TENM4: variants seen among roughly 807,000 people sequenced by gnomAD.
TENM4 encodes the protein teneurin-4.
Under a neutral mutation model 243.3 loss-of-function variants are expected in TENM4, and 82 were observed. The ratio of observed to expected loss-of-function variants is 0.34; its 90% confidence interval spans 0.28 to 0.40. The LOEUF (loss-of-function observed/expected upper bound fraction) is 0.40. Ranked by LOEUF, TENM4 falls within the 10% of genes least tolerant of loss-of-function variation. The pLI, the probability that TENM4 is intolerant of heterozygous loss-of-function variation, is 1.00. For missense variants in TENM4, 3,138 were observed against 3,673.3 expected (o/e 0.85, Z 3.77); for synonymous variants, 1,412 against 1,456.3 (o/e 0.97, Z 0.69).
At chr11:79,223,720 C>T (rs1410355735) in intron 2 of TENM4, among the ~76,000 whole-genome samples, 2 of 152,174 alleles carry the variant, frequency 1.3e-5, no homozygotes, top group Non-Finnish European at 2.9e-5. Context: ...TTCCATGGCT[C>T]TTCCTTTGGC....
chr11:79,100,347 G>A (rs1436786767), intron 4 of TENM4, among the ~76,000 whole-genome samples: 1 of 151,920 alleles, frequency 6.6e-6, no homozygotes, highest in Non-Finnish European at 1.5e-5. Context: ...CCTCTTCCGT[G>A]CCCAGTGGAC....
In TENM4 at chr11:78,854,138, C is replaced by T; in HGVS notation, c.1647G>A (p.Glu549=). ...TGGTGAGAAAGGAAACCACTTCTGACTCCTTTCCGTCATTGTAAAAAGCCA... is the reference window on the plus strand; with the variant it reads ...TGGTGAGAAAGGAAACCACTTCTGATTCCTTTCCGTCATTGTAAAAAGCCA... ...WHLAFYNDGK[E]SEVVSFLTTA... Residue 549 remains glutamate, a synonymous_variant, in exon 12 of 34, where the codon GAG becomes GAA. Coordinates refer to ENST00000278550, the MANE Select transcript of TENM4 (RefSeq NM_001098816.3). The T allele has an allele frequency of 6.4e-7, 1 of 1,551,724 alleles. No homozygotes were observed. Among genetic ancestry groups the T allele is most frequent in the South Asian group, 1.2e-5 (1 of 84,030 alleles).
At chr11:79,172,884 G>A (rs145089989) in intron 3 of TENM4, among the ~76,000 whole-genome samples, 3 of 151,942 alleles carry the variant, frequency 2.0e-5, no homozygotes, top group African/African-American at 4.8e-5. Flanking sequence ...CAACTGATTC[G>A]CCTGCCTCGG....
At chr11:78,921,465 G>A (rs1180559857) in intron 6 of TENM4, among the ~76,000 whole-genome samples, 5 of 152,228 alleles carry the variant, frequency 3.3e-5, no homozygotes, top group African/African-American at 1.2e-4. Flanking sequence ...AAGCCTCCAT[G>A]AAGATACAGT....
intron 1 of TENM4, among the ~76,000 whole-genome samples, chr11:79,439,467 C>A (rs1008606187): frequency 6.6e-6 from 1 of 152,074 alleles, no homozygotes; most frequent in Non-Finnish European, 1.5e-5. Flanking sequence ...GAAAGCGGAG[C>A]CAATTTCCAA....
intron 4 of TENM4, among the ~76,000 whole-genome samples, chr11:79,075,079 A>C (rs1246501337): frequency 6.6e-6 from 1 of 152,216 alleles, no homozygotes; most frequent in East Asian, 1.9e-4. Context: ...GCTTTCAGCA[A>C]TCATCATCGT....
chr11:78,946,217 G>A (rs1856999444), intron 6 of TENM4, among the ~76,000 whole-genome samples: 1 of 152,228 alleles, frequency 6.6e-6, no homozygotes, highest in South Asian at 2.1e-4. Flanking sequence ...AATGCAGCTG[G>A]TGAGTTGAAG....
intron 12 of TENM4, among the ~76,000 whole-genome samples, chr11:78,815,814 C>T (rs1017221005): frequency 6.6e-6 from 1 of 152,188 alleles, no homozygotes; most frequent in African/African-American, 2.4e-5. Flanking sequence ...CAACAGGTGG[C>T]TGAGAGAAAT....
chr11:78,765,441 C>A (rs182786648), intron 18 of TENM4, among the ~76,000 whole-genome samples: 2 of 152,300 alleles, frequency 1.3e-5, no homozygotes, highest in East Asian at 3.9e-4. Flanking sequence ...AAGACAGAGA[C>A]CTTTGTTCTC....
intron 2 of TENM4, among the ~76,000 whole-genome samples, chr11:79,296,032 G>T (rs548098489): frequency 6.6e-6 from 1 of 151,780 alleles, no homozygotes; most frequent in Non-Finnish European, 1.5e-5. Flanking sequence ...CATCAACCAT[G>T]GTCATAATTC....
chr11:79,075,576 A>C (rs777282064), intron 4 of TENM4, among the ~76,000 whole-genome samples: 24 of 152,218 alleles, frequency 1.6e-4, no homozygotes, highest in Non-Finnish European at 1.5e-4. Context: ...CCTAGACCAA[A>C]TTAGGCAGGT....
At chr11:79,381,689 G>A (rs1237678431) in intron 1 of TENM4, among the ~76,000 whole-genome samples, 1 of 151,428 alleles carries the variant, frequency 6.6e-6, no homozygotes, top group Non-Finnish European at 1.5e-5. Flanking sequence ...TCACTTGAGC[G>A]CTGTTTGGCA....
intron 4 of TENM4, among the ~76,000 whole-genome samples, chr11:79,122,360 GA>G (rs1266069281): frequency 6.6e-6 from 1 of 152,196 alleles, no homozygotes; most frequent in African/African-American, 2.4e-5. Flanking sequence ...AGAGAAGTTG[GA>G]GCCTGGACAG....
intron 6 of TENM4, among the ~76,000 whole-genome samples, chr11:78,997,743 C>G (rs887641784): frequency 1.3e-5 from 2 of 152,164 alleles, no homozygotes; most frequent in African/African-American, 4.8e-5. Context: ...TCTGGACTGG[C>G]GTCTATTATG....
At chr11:78,906,468 A>C (rs914430754) in intron 6 of TENM4, among the ~76,000 whole-genome samples, 9 of 152,344 alleles carry the variant, frequency 5.9e-5, no homozygotes, top group Admixed American at 3.9e-4. Flanking sequence ...TAATGGGGAC[A>C]CCAGGCTCTG....
intron 6 of TENM4, among the ~76,000 whole-genome samples, chr11:78,967,751 T>C (rs938182113): frequency 6.6e-6 from 1 of 152,110 alleles, no homozygotes; most frequent in Non-Finnish European, 1.5e-5. Flanking sequence ...ACTGTGTTTG[T>C]AGTAAAAAAG....
In TENM4 at chr11:78,669,804, G is replaced by T; in HGVS notation, c.6541C>A (p.Leu2181Met). The T allele has an allele frequency of 6.2e-7, 1 of 1,613,920 alleles. No individual in the cohort carries two copies. Among genetic ancestry groups the T allele is most frequent in the Non-Finnish European group, 8.5e-7 (1 of 1,179,876 alleles). ...DNMGRVVKKE[L>M]KVGPYANTTR... ...GTATTGGCGTAGGGTCCTACCTTCA[G>T]CTCCTTCTTCACTACTCGCCCCATG... Residue 2181 changes from leucine to methionine, a missense_variant, in exon 32 of 34, where the codon CTG (leucine) becomes ATG (methionine). Coordinates refer to ENST00000278550, the MANE Select transcript of TENM4 (RefSeq NM_001098816.3). This position sits in a 1 kb window ranked among gnomAD's most constrained non-coding sequence, Gnocchi z 6.4.
intron 1 of TENM4, among the ~76,000 whole-genome samples, chr11:79,391,756 A>T (rs1590932767): frequency 6.6e-6 from 1 of 152,200 alleles, no homozygotes; most frequent in African/African-American, 2.4e-5. Flanking sequence ...CACATAATAT[A>T]CAGTATATGC....
intron 4 of TENM4, among the ~76,000 whole-genome samples, chr11:79,138,892 ATATAT>A (rs1456998716): frequency 4.3e-5 from 5 of 116,382 alleles, no homozygotes; most frequent in East Asian, 4.7e-4. Context: ...TATATAAAAT[ATATAT>A]TATATTTCTA....
Sources: allele counts gnomAD v4.1 joint callset (sites outside exome capture counted in the v4.1 genomes callset), GRCh38; gene constraint gnomAD v4.1.1; non-coding constraint Gnocchi (gnomAD v3.1); transcripts MANE v1.5; gene names NCBI Gene and HGNC (gene_info 2026-07-23, HGNC 2026-07-21).